The following RABGAP1 variants were observed in gnomAD, a reference collection of about 807,000 sequenced individuals.
The protein encoded by RABGAP1 is RAB GTPase activating protein 1, also known as rab GTPase-activating protein 1.
A neutral mutation model predicts 137.6 loss-of-function variants in RABGAP1; 23 were observed. The observed-to-expected ratio is 0.17, with a 90% CI of 0.12 to 0.24. The LOEUF (loss-of-function observed/expected upper bound fraction) is 0.24, where lower values mean the gene tolerates loss of function less well. Among genes scored for constraint, RABGAP1 ranks in the 10% least tolerant of loss-of-function variants. RABGAP1 has a pLI of 1.00. For synonymous variants in RABGAP1, 451 were observed against 450.7 expected, an observed-to-expected ratio of 1.00 and a Z score of -0.01; for missense variants, 906 against 1,275.8, an observed-to-expected ratio of 0.71 and a Z score of 4.42.
chr9:123,018,467 G>A (rs2031395189), intron 12 of RABGAP1, among the ~76,000 whole-genome samples: 1 of 152,142 alleles, frequency 6.6e-6, no homozygotes, highest in Non-Finnish European at 1.5e-5. Flanking sequence ...TTCTACTATT[G>A]TAATGCAGAA....
chr9:123,073,938 A>G (rs2034436214), intron 16 of RABGAP1, among the ~76,000 whole-genome samples: 2 of 152,200 alleles, frequency 1.3e-5, no homozygotes, highest in African/African-American at 2.4e-5. Context: ...CAGCTAACTC[A>G]GTCAAGAAGT....
At chr9:123,039,000 A>G (rs1310432436) in intron 13 of RABGAP1, among the ~76,000 whole-genome samples, 2 of 152,180 alleles carry the variant, frequency 1.3e-5, no homozygotes, top group Non-Finnish European at 2.9e-5. Context: ...ATCCCTTCAT[A>G]CCTCATAGGG....
chr9:123,101,071 A>G (rs7854147), intron 24 of RABGAP1, among the ~76,000 whole-genome samples: 43,775 of 152,136 alleles, frequency 0.29, 9,595 homozygotes, highest in East Asian at 0.64. Context: ...AATGTGGAAT[A>G]CATTTTATTT....
In RABGAP1 at chr9:123,070,279, T is replaced by A; in HGVS notation, c.1909-71T>A. 1 of 1,604,332 alleles carries A rather than the reference T, an allele frequency of 6.2e-7. No homozygotes were observed. Among genetic ancestry groups the A allele is most frequent in the Admixed American group, 1.7e-5 (1 of 59,628 alleles). ...ATCCTCCAGGGTTCTGTATTCAAGG[T>A]CCTATAGTGCCACCATGGCCCACAA... On this transcript the variant is annotated intron_variant, in intron 14 of 25. Transcript: ENST00000373647. This position sits in a 1 kb window ranked among gnomAD's most constrained non-coding sequence, Gnocchi z 4.4.
chr9:123,064,237 C>T (rs2034093737), intron 13 of RABGAP1, among the ~76,000 whole-genome samples: 1 of 152,156 alleles, frequency 6.6e-6, no homozygotes. Context: ...TGAAGAGCAC[C>T]ACAGTCCTGA....
At chr9:123,057,336 CG>C (rs1001470235) in intron 13 of RABGAP1, among the ~76,000 whole-genome samples, 2 of 130,140 alleles carry the variant, frequency 1.5e-5, no homozygotes, top group African/African-American at 5.9e-5. Flanking sequence ...ACTTCTCAGA[CG>C]GGGCGGCCGG....
intron 13 of RABGAP1, among the ~76,000 whole-genome samples, chr9:123,050,784 G>A (rs960163233): frequency 4.6e-5 from 7 of 152,102 alleles, no homozygotes; most frequent in African/African-American, 1.2e-4. Context: ...ATTTGATTCC[G>A]AGCCTCCTGA....
intron 2 of RABGAP1, among the ~76,000 whole-genome samples, chr9:122,960,717 G>A (rs1264038345): frequency 6.6e-6 from 1 of 152,174 alleles, no homozygotes; most frequent in South Asian, 2.1e-4. Flanking sequence ...TTAACACAGA[G>A]CTTTCAAGGT....
At chr9:123,040,981 C>T (rs1324466988) in intron 13 of RABGAP1, among the ~76,000 whole-genome samples, 1 of 152,058 alleles carries the variant, frequency 6.6e-6, no homozygotes, top group African/African-American at 2.4e-5. Context: ...CTTCCTAATC[C>T]GTTGCTCTTT....
chr9:123,077,171 T>A (rs986417767), intron 19 of RABGAP1, among the ~76,000 whole-genome samples: 1 of 150,962 alleles, frequency 6.6e-6, no homozygotes, highest in Non-Finnish European at 1.5e-5. Context: ...TTTGTTTTTT[T>A]TTTTTTCTTT....
chr9:123,026,181 G>A (rs576492150), intron 13 of RABGAP1, among the ~76,000 whole-genome samples: 3 of 151,928 alleles, frequency 2.0e-5, no homozygotes, highest in East Asian at 3.9e-4. Context: ...AGAATTAGCC[G>A]GCCGTGGTGG....
chr9:123,033,041 G>A (rs1291273751), intron 13 of RABGAP1, among the ~76,000 whole-genome samples: 1 of 152,132 alleles, frequency 6.6e-6, no homozygotes, highest in African/African-American at 2.4e-5. Flanking sequence ...ATTTATCTGT[G>A]CTATTTGTGT....
intron 19 of RABGAP1, among the ~76,000 whole-genome samples, chr9:123,086,490 G>A (rs1166002881): frequency 6.6e-6 from 1 of 152,110 alleles, no homozygotes. Context: ...GGCTTAAAAT[G>A]CCCCTGCTGC....
At chr9:123,073,730 C>T in intron 16 of RABGAP1, 53 bp downstream of exon 16, 2 of 1,601,406 alleles carry the variant, frequency 1.2e-6, no homozygotes, top group Non-Finnish European at 1.7e-6. Context: ...GACTAAGGAG[C>T]ACCAAATTGA....
At chr9:122,998,834 C>G (rs1269921787) in intron 10 of RABGAP1, 68 bp downstream of exon 10, 1 of 1,060,836 alleles carries the variant, frequency 9.4e-7, no homozygotes, top group Non-Finnish European at 1.3e-6. Context: ...AGGCTGATTT[C>G]TAAGCCCTCA....
At chr9:123,027,108 CTTTTTTTTTTTT>C in intron 13 of RABGAP1, among the ~76,000 whole-genome samples, 1 of 100,096 alleles carries the variant, frequency 1.0e-5, no homozygotes, top group Admixed American at 1.0e-4. Context: ...TCTTTCTTTT[CTTTTTTTTTTTT>C]TTTTTTTGAG....
chr9:122,946,809 A>G (rs192917989), intron 1 of RABGAP1, among the ~76,000 whole-genome samples: 20 of 152,304 alleles, frequency 1.3e-4, no homozygotes, highest in Admixed American at 1.1e-3. Context: ...TGTCAGCATT[A>G]TCACACTCAT....
chr9:123,101,458 T>G, intron 24 of RABGAP1, 108 bp from the exon 25 acceptor site: 1 of 1,071,372 alleles, frequency 9.3e-7, no homozygotes, highest in Non-Finnish European at 1.3e-6. Flanking sequence ...GAAACTGTAG[T>G]GCTCAACAGA....
At chr9:123,044,622 C>A (rs1028698051) in intron 13 of RABGAP1, among the ~76,000 whole-genome samples, 16 of 99,960 alleles carry the variant, frequency 1.6e-4, no homozygotes, top group Non-Finnish European at 2.8e-4. Context: ...GGAAAACACA[C>A]GTACGTGTGT....
Sources: allele counts gnomAD v4.1 joint callset (sites outside exome capture counted in the v4.1 genomes callset), GRCh38; gene constraint gnomAD v4.1.1; non-coding constraint Gnocchi (gnomAD v3.1); transcripts MANE v1.5; gene names NCBI Gene and HGNC (gene_info 2026-07-23, HGNC 2026-07-21).